Variants in RPGRIP1L observed in about 807,000 individuals in gnomAD.
RPGRIP1L encodes the protein RPGRIP1 like, also known as protein fantom.
A neutral mutation model predicts 160.4 loss-of-function variants in RPGRIP1L; 131 were observed. The observed-to-expected ratio is 0.82, with a 90% CI of 0.71 to 0.94. The LOEUF (loss-of-function observed/expected upper bound fraction) is 0.94. Ranked by LOEUF, RPGRIP1L falls within the 40% of genes least tolerant of loss-of-function variation. The pLI is 0.00. For synonymous variants in RPGRIP1L, 510 were observed against 515.8 expected (o/e 0.99, Z 0.15); for missense variants, 1,522 against 1,535.8 (o/e 0.99, Z 0.15).
chr16:53,695,064 C>T (rs1598417452), intron 3 of RPGRIP1L: 1 of 418,226 alleles, frequency 2.4e-6, no homozygotes, highest in Non-Finnish European at 4.2e-6. Context: ...TCCCATTAAA[C>T]TACATGGCTC....
chr16:53,599,246 C>A lies in RPGRIP1L; in HGVS notation c.*2830G>T, dbSNP rs932261512. On this transcript the variant is annotated 3_prime_UTR_variant, in exon 27 of 27. Transcript: ENST00000647211. ...CAGGAACAGCAGAATTTCAGTGTGG[C>A]CTTTCTTTATTTGATTAAACATATT... 6.6e-6 allele frequency: 1 copy of A among 152,048 alleles called. No individual in the cohort carries two copies. Among genetic ancestry groups the A allele is most frequent in the Non-Finnish European group, 1.5e-5 (1 of 68,006 alleles). The allele number at this position is 152,048 out of a possible 1,614,324, so 9.4% of individuals were successfully genotyped here.
rs370091137 is a variant in RPGRIP1L at position 53,641,135 on chromosome 16, T to C, written c.2875-19A>G. On this transcript the variant is annotated intron_variant, in intron 18 of 26. Coordinates refer to ENST00000647211, the MANE Select transcript of RPGRIP1L (RefSeq NM_015272.5). Reference sequence around the variant, plus strand: ...TTGGTGCCTAAGACAAACCAACCAATGTGTCAGACTGAGTATGATGACCAT... The same window carrying C: ...TTGGTGCCTAAGACAAACCAACCAACGTGTCAGACTGAGTATGATGACCAT... The C allele has an allele frequency of 6.1e-5, 97 of 1,594,178 alleles. No individual in the cohort carries two copies. Among genetic ancestry groups the C allele is most frequent in the Non-Finnish European group, 7.8e-5 (91 of 1,162,114 alleles).
chr16:53,651,517 C>T (rs1966853161), intron 15 of RPGRIP1L, among the ~76,000 whole-genome samples: 1 of 152,162 alleles, frequency 6.6e-6, no homozygotes, highest in African/African-American at 2.4e-5. Context: ...TCACTTGAAT[C>T]CCCCCTTTGC....
chr16:53,673,009 C>G lies in RPGRIP1L; in HGVS notation c.890G>C (p.Arg297Thr), dbSNP rs550484136. 4 of 1,612,540 alleles carry G rather than the reference C, an allele frequency of 2.5e-6. No homozygotes were observed. The highest frequency in any genetic ancestry group is 1.3e-5 in the African/African-American group (1 of 74,992). Residue 297 changes from arginine to threonine, a missense_variant, in exon 8 of 27, where the codon AGA becomes ACA. Physicochemically the swap from Arg to Thr is moderately conservative, Grantham distance 71 (BLOSUM62 -1). Transcript: ENST00000647211. The stretch of plus-strand genomic sequence containing the variant: ...AGCATCGTGGCTGATTCTGAGAGTT[C>G]TTTGCTTCTAAAAGATAAAAAGAAC... ...GKFIQLQEKQ[R>T]TLRISHDALM...
rs376424742 is a variant in RPGRIP1L, at chr16:53,641,254, T to C, written c.2874+31A>G. 10 of 1,602,494 alleles carry C rather than the reference T, an allele frequency of 6.2e-6. No homozygotes were observed. In the African/African-American group the frequency reaches 1.1e-4, roughly 17 times the overall value. On this transcript the variant is annotated intron_variant, in intron 18 of 26. Coordinates refer to ENST00000647211, the MANE Select transcript of RPGRIP1L (RefSeq NM_015272.5). The stretch of plus-strand genomic sequence containing the variant: ...AGCTTTATATTCAAAATTTTATACT[T>C]GTAAAAAAATTAAAAGTCACTGATA...
intron 26 of RPGRIP1L, 149 bp from the exon 27 acceptor site, chr16:53,602,337 C>T (rs1963419167): frequency 5.8e-6 from 4 of 686,952 alleles, no homozygotes; most frequent in African/African-American, 1.8e-5. Flanking sequence ...AAGAATAAAC[C>T]TTGTCACGTG....
At chr16:53,679,471 G>A (rs894766242) in intron 6 of RPGRIP1L, among the ~76,000 whole-genome samples, 1 of 151,616 alleles carries the variant, frequency 6.6e-6, no homozygotes, top group Non-Finnish European at 1.5e-5. Flanking sequence ...TCGTGATCTC[G>A]GCTCACTGCA....
In RPGRIP1L at chr16:53,687,884, GCTT is replaced by G; in HGVS notation, c.608_610del (p.Glu203del). On this transcript the variant is annotated inframe_deletion, in exon 5 of 27. Transcript: ENST00000647211. ...ATACAAATTTCTTATTTCTCCTCTGGCTTCTTCAAGTAAACTGTTGCCATATTT... is the reference window on the plus strand; with the variant it reads ...ATACAAATTTCTTATTTCTCCTCTGGCTTCAAGTAAACTGTTGCCATATTT... 4 of 1,606,200 alleles carry G rather than the reference GCTT, an allele frequency of 2.5e-6. No homozygotes were observed. Among genetic ancestry groups the G allele is most frequent in the Non-Finnish European group, 3.4e-6 (4 of 1,173,386 alleles).
At chr16:53,692,468 A>C (rs755356244) in intron 3 of RPGRIP1L, 104 bp from the exon 4 acceptor site, 7 of 1,079,498 alleles carry the variant, frequency 6.5e-6, no homozygotes, top group Non-Finnish European at 9.8e-6. Context: ...GCAGAACCTG[A>C]ATAATAAATT....
rs1478907674 is a variant in RPGRIP1L, at chr16:53,601,701, T to C, written c.*375A>G. On this transcript the variant is annotated 3_prime_UTR_variant, in exon 27 of 27. Transcript: ENST00000647211. ...GGGATAACATAAAAGTATTTCTTTT[T>C]CATAGGTTTTCTAAGATTTATGCTT... The C allele has an allele frequency of 4.5e-6, 1 of 223,084 alleles. No homozygotes were observed. The highest frequency in any genetic ancestry group is 1.0e-4 in the East Asian group (1 of 9,822). 13.8% of individuals were successfully genotyped at this position (223,084 alleles called of 1,614,324 possible).
intron 10 of RPGRIP1L, among the ~76,000 whole-genome samples, chr16:53,661,050 C>A (rs1967751549): frequency 6.6e-6 from 1 of 151,882 alleles, no homozygotes; most frequent in African/African-American, 2.4e-5. Context: ...AATCCCAGCA[C>A]TTTGGGAGGC....
intron 23 of RPGRIP1L, among the ~76,000 whole-genome samples, chr16:53,621,355 G>T (rs927443387): frequency 3.4e-5 from 5 of 148,436 alleles, no homozygotes; most frequent in African/African-American, 1.2e-4. Flanking sequence ...CAACAAAAAA[G>T]AAAACTCACT....
Position 53,622,229 on chromosome 16 carries a change from TGGCAGGCA to T in RPGRIP1L, c.3414_3421del (p.Ala1139ProfsTer11). 1.5e-6 allele frequency: 1 copy of T among 662,666 alleles called. No homozygotes were observed. The highest frequency in any genetic ancestry group is 2.8e-5 in the East Asian group (1 of 35,342). 41.0% of individuals were successfully genotyped at this position (662,666 alleles called of 1,614,324 possible). On this transcript the variant is annotated frameshift_variant, in exon 23 of 27. Transcript: ENST00000647211. LOFTEE classifies it high-confidence loss of function. The stretch of plus-strand genomic sequence containing the variant: ...ATTACAAAAAATTACCTGGGTGTGG[TGGCAGGCA>T]CCTGTAATCCCATCTACTTGGGAGG...
chr16:53,646,003 A>C lies in RPGRIP1L; in HGVS notation c.2305T>G (p.Leu769Val), dbSNP rs746692718. The change falls in exon 17 of 27, where the codon TTA becomes GTA. Residue 769 changes from leucine (L) to valine (V), a missense_variant and splice_region_variant. By Grantham distance (32) the Leu-to-Val change is conservative. Transcript: ENST00000647211. ...NFKGPEHMQS[L>V]SQQAPKTAQL... ...GCAGTTTTGGGTGCTTGCTGACTTA[A>C]CTGGAAAAACATACATATTTATATT... 6.2e-7 allele frequency: 1 copy of C among 1,613,838 alleles called. No individual in the cohort carries two copies. Among genetic ancestry groups the C allele is most frequent in the Non-Finnish European group, 8.5e-7 (1 of 1,179,708 alleles).
At chr16:53,696,998 A>T (rs1435369342) in intron 2 of RPGRIP1L, among the ~76,000 whole-genome samples, 1 of 152,150 alleles carries the variant, frequency 6.6e-6, no homozygotes, top group East Asian at 1.9e-4. Flanking sequence ...GTTCAAGACC[A>T]GCCTGGCCAA....
At chr16:53,695,966 C>T in intron 3 of RPGRIP1L, 185 bp downstream of exon 3, 1 of 580,662 alleles carries the variant, frequency 1.7e-6, no homozygotes, top group Non-Finnish European at 3.0e-6. Flanking sequence ...ATAATAAACA[C>T]TCATAATCTT....
chr16:53,686,109 C>T (rs1969989952), intron 6 of RPGRIP1L, among the ~76,000 whole-genome samples: 1 of 152,122 alleles, frequency 6.6e-6, no homozygotes, highest in Non-Finnish European at 1.5e-5. Flanking sequence ...GTTCTTGTCA[C>T]CCATATTTCT....
intron 6 of RPGRIP1L, among the ~76,000 whole-genome samples, chr16:53,677,786 T>C (rs976935663): frequency 1.3e-5 from 2 of 152,152 alleles, no homozygotes; most frequent in Non-Finnish European, 2.9e-5. Flanking sequence ...CTCAGGTTGG[T>C]ATTTGAAGAA....
rs891246766 is a variant in RPGRIP1L, at chr16:53,624,152, A to G, written c.3295-1796T>C. On this transcript the variant is annotated intron_variant, in intron 22 of 26. Coordinates refer to ENST00000647211, the MANE Select transcript of RPGRIP1L (RefSeq NM_015272.5). ...AGCAATCCTCCCACCTCGACCTCTC[A>G]AAGTGCCAGGATCACAGGTGTGAAC... 3.3e-5 allele frequency among the ~76,000 whole-genome samples: 5 copies of G among 152,326 alleles called. No homozygotes were observed. In the South Asian group the frequency reaches 6.2e-4, roughly 19 times the overall value.
Sources: gnomAD v4.1 joint callset for allele counts (sites outside exome capture counted in the v4.1 genomes callset) on GRCh38, gnomAD v4.1.1 for gene constraint, MANE v1.5 for transcripts, NCBI Gene and HGNC (gene_info 2026-07-23, HGNC 2026-07-21) for gene names.